Variants in UBQLN4 observed in about 807,000 individuals in gnomAD.
UBQLN4 encodes ubiquilin-4.
A neutral mutation model predicts 60.4 loss-of-function variants in UBQLN4; 11 were observed. The ratio of observed to expected loss-of-function variants is 0.18; its 90% confidence interval spans 0.11 to 0.30. The LOEUF (loss-of-function observed/expected upper bound fraction) is 0.30. UBQLN4 is among the 10% of genes least tolerant of loss of function. The probability of loss-of-function intolerance (pLI) is 1.00; values close to 1 mark genes in which losing one functional copy is unlikely to be tolerated. For synonymous variants in UBQLN4, 258 were observed against 313.1 expected, an observed-to-expected ratio of 0.82 and a Z score of 1.86; for missense variants, 417 against 795.5, an observed-to-expected ratio of 0.52 and a Z score of 5.72.
downstream of UBQLN4, among the ~76,000 whole-genome samples, chr1:156,032,069 T>A (rs893733751): frequency 2.0e-5 from 3 of 149,416 alleles, no homozygotes; most frequent in Non-Finnish European, 4.5e-5. Context: ...CAAAATGAGT[T>A]TTTTTTTTGA....
chr1:156,042,239 G>A lies in UBQLN4; in HGVS notation c.1267-3C>T, dbSNP rs370214146. Reference sequence around the variant, plus strand: ...AAGAGCGGCACATTCACCATCATCTGCCAGGGTGAAGGTAGCAGGGGGAGA... The same window carrying A: ...AAGAGCGGCACATTCACCATCATCTACCAGGGTGAAGGTAGCAGGGGGAGA... On this transcript the variant is annotated splice_region_variant and splice_polypyrimidine_tract_variant and intron_variant, in intron 7 of 10. Transcript: ENST00000368309. 2.5e-6 allele frequency: 4 copies of A among 1,592,814 alleles called. No homozygotes were observed. The highest frequency in any genetic ancestry group is 3.4e-6 in the Non-Finnish European group (4 of 1,171,024).
intron 7 of UBQLN4, 66 bp from the exon 8 acceptor site, chr1:156,042,302 C>T: frequency 6.6e-7 from 1 of 1,510,896 alleles, no homozygotes; most frequent in Non-Finnish European, 8.8e-7. Flanking sequence ...CCCACAGCCT[C>T]AGACTCCCTG....
At chr1:156,046,813 G>T (rs1368843261) in intron 5 of UBQLN4, among the ~76,000 whole-genome samples, 1 of 152,206 alleles carries the variant, frequency 6.6e-6, no homozygotes, top group Non-Finnish European at 1.5e-5. Context: ...TTGCACTCCA[G>T]CCTGGGCGAA....
At position 156,050,173 on chromosome 1, in the gene UBQLN4, G is replaced by T; in HGVS notation, c.741+118C>A. 1.5e-6 allele frequency: 2 copies of T among 1,341,258 alleles called. No individual in the cohort carries two copies. Among genetic ancestry groups the T allele is most frequent in the Non-Finnish European group, 9.9e-7 (1 of 1,007,952 alleles). 83.1% of individuals were successfully genotyped at this position (1,341,258 alleles called of 1,614,324 possible). A position where few individuals can be genotyped will look rare whatever the true frequency, so the allele number is the denominator to read the frequency against. On this transcript the variant is annotated intron_variant, in intron 4 of 10. Coordinates refer to ENST00000368309, the MANE Select transcript of UBQLN4 (RefSeq NM_020131.5). The surrounding 1 kb of genome is among the most constrained non-coding windows in gnomAD (Gnocchi z 4.6). ...CTGTCTTTTCATCCCTGTACCTCCAGTGTTCAAAACTGCTGAATACACGAA... is the reference window on the plus strand; with the variant it reads ...CTGTCTTTTCATCCCTGTACCTCCATTGTTCAAAACTGCTGAATACACGAA...
In UBQLN4 at chr1:156,041,620, G is replaced by A. The variant is rs765843452; in HGVS notation, c.1518C>T (p.Asn506=). The A allele has an allele frequency of 1.1e-5, 17 of 1,604,764 alleles. No individual in the cohort carries two copies. Among genetic ancestry groups the A allele is most frequent in the East Asian group, 4.5e-5 (2 of 44,528 alleles). Residue 506 remains asparagine (N), a synonymous_variant, in exon 10 of 11, where the codon AAC becomes AAT. Transcript: ENST00000368309. The stretch of plus-strand genomic sequence containing the variant: ...TGGGGGCCTCGGGCGTAGACCCTGC[G>A]TTGCTGCCTGCTGAGGGTGCTGGGG... ...SRTPAPSAGS[N]AGSTPEAPTS...
chr1:156,044,815 C>T (rs764515099), intron 5 of UBQLN4, among the ~76,000 whole-genome samples: 2 of 152,088 alleles, frequency 1.3e-5, no homozygotes, highest in Non-Finnish European at 2.9e-5. Context: ...ACCACAGTGG[C>T]GGCCCCTAGC....
intron 10 of UBQLN4, among the ~76,000 whole-genome samples, chr1:156,039,237 T>C (rs1222099439): frequency 2.7e-5 from 4 of 146,874 alleles, no homozygotes; most frequent in Non-Finnish European, 6.0e-5. Context: ...GCCACACTCC[T>C]GGCCTGGCTT....
intron 10 of UBQLN4, among the ~76,000 whole-genome samples, chr1:156,040,750 C>A (rs1683542028): frequency 1.3e-5 from 2 of 152,204 alleles, no homozygotes. Context: ...CCGCGCCCAG[C>A]CAGTCCACAG....
chr1:156,038,362 T>G (rs1310184652), intron 10 of UBQLN4, among the ~76,000 whole-genome samples: 1 of 135,372 alleles, frequency 7.4e-6, no homozygotes, highest in Non-Finnish European at 1.5e-5. Context: ...GAAGACAGAG[T>G]ACATCTTAAA....
intron 10 of UBQLN4, among the ~76,000 whole-genome samples, chr1:156,038,248 A>G (rs1225708626): frequency 2.0e-5 from 3 of 152,172 alleles, no homozygotes; most frequent in African/African-American, 2.4e-5. Flanking sequence ...GTGGTGGCGC[A>G]TGCCTGTAGT....
chr1:156,036,084 C>T lies in UBQLN4; in HGVS notation c.*894G>A. On this transcript the variant is annotated 3_prime_UTR_variant, in exon 11 of 11. Coordinates refer to ENST00000368309, the MANE Select transcript of UBQLN4 (RefSeq NM_020131.5). ...TTGAGGAACTAAAGCCAATATGACC[C>T]CTTGTGGGGCGTGGCGCTTAGCTTC... 1 of 985,554 alleles carries T rather than the reference C, an allele frequency of 1.0e-6. No individual in the cohort carries two copies. Among genetic ancestry groups the T allele is most frequent in the Non-Finnish European group, 1.2e-6 (1 of 829,944 alleles). 61.1% of individuals were successfully genotyped at this position (985,554 alleles called of 1,614,324 possible). A position where few individuals can be genotyped will look rare whatever the true frequency, so the allele number is the denominator to read the frequency against.
intron 10 of UBQLN4, among the ~76,000 whole-genome samples, chr1:156,040,970 T>G (rs1431045212): frequency 6.6e-6 from 1 of 152,190 alleles, no homozygotes; most frequent in Non-Finnish European, 1.5e-5. Flanking sequence ...TTTGGTTACC[T>G]CGCAGAATCC....
At chr1:156,044,470 T>TC (rs1683648670) in intron 5 of UBQLN4, among the ~76,000 whole-genome samples, 1 of 152,028 alleles carries the variant, frequency 6.6e-6, no homozygotes, top group Admixed American at 6.6e-5. Flanking sequence ...AAACTTCCCA[T>TC]CCCCCCGGTG....
chr1:156,042,573 T>C (rs1273503482), intron 7 of UBQLN4: 30 of 1,048,692 alleles, frequency 2.9e-5, no homozygotes, highest in Non-Finnish European at 9.3e-6. Flanking sequence ...CTATAGGAGG[T>C]AGGAACTATT....
intron 3 of UBQLN4, 24 bp downstream of exon 3, chr1:156,051,086 G>T: frequency 6.2e-7 from 1 of 1,607,310 alleles, no homozygotes. Context: ...AAACAAGATT[G>T]TGCTCTCCTC....
At chr1:156,043,976 C>T in intron 6 of UBQLN4, 22 bp downstream of exon 6, 1 of 1,612,532 alleles carries the variant, frequency 6.2e-7, no homozygotes, top group Non-Finnish European at 8.5e-7. Context: ...CCCCACTAAG[C>T]TCCTTCCATC....
intron 10 of UBQLN4, 80 bp from the exon 11 acceptor site, chr1:156,037,210 C>T (rs530267106): frequency 6.5e-7 from 1 of 1,532,370 alleles, no homozygotes; most frequent in African/African-American, 1.4e-5. Context: ...CTAAGACCAG[C>T]AGGTCTTCTC....
intron 10 of UBQLN4, among the ~76,000 whole-genome samples, chr1:156,038,635 GGACAGAGTGA>G (rs1683466745): frequency 6.6e-6 from 1 of 151,886 alleles, no homozygotes; most frequent in Admixed American, 6.6e-5. Flanking sequence ...CCAGCATGGG[GGACAGAGTGA>G]GACTCCATCT....
intron 3 of UBQLN4, 61 bp downstream of exon 3, chr1:156,051,049 C>T (rs1394215000): frequency 3.3e-6 from 5 of 1,532,282 alleles, no homozygotes; most frequent in South Asian, 1.2e-5. Flanking sequence ...TCTCCCTCCT[C>T]TTGGCTTTCC....
Sources: allele counts gnomAD v4.1 joint callset (sites outside exome capture counted in the v4.1 genomes callset), GRCh38; gene constraint gnomAD v4.1.1; non-coding constraint Gnocchi (gnomAD v3.1); transcripts MANE v1.5; gene names NCBI Gene and HGNC (gene_info 2026-07-23, HGNC 2026-07-21).